Variants in CLIC5 observed in about 807,000 individuals in gnomAD.
CLIC5 encodes chloride intracellular channel protein 5.
A neutral mutation model predicts 24.7 loss-of-function variants in CLIC5; 20 were observed. The ratio of observed to expected loss-of-function variants is 0.81; its 90% CI spans 0.57 to 1.18. CLIC5 has a LOEUF of 1.18. Ranked by LOEUF, CLIC5 falls within the 50% of genes most tolerant of loss-of-function variation. The probability of loss-of-function intolerance (pLI) is 0.00; values close to 1 mark genes in which losing one functional copy is unlikely to be tolerated. For missense variants in CLIC5, 341 were observed against 326.1 expected, an observed-to-expected ratio of 1.05 and a Z score of -0.35; for synonymous variants, 159 against 135.6, an observed-to-expected ratio of 1.17 and a Z score of -1.20.
Position 45,903,840 on chromosome 6 carries a change from C to G in CLIC5, c.589-585G>C, listed in dbSNP as rs189890181. On this transcript the variant is annotated intron_variant, in intron 5 of 5. Coordinates refer to ENST00000339561, the MANE Select transcript of CLIC5 (RefSeq NM_016929.5). The stretch of plus-strand genomic sequence containing the variant: ...ACCAACAATTTTTCTTTTCTTCTTT[C>G]TCTTATTCACTTTGTTTTACACAGG... 2.8e-4 allele frequency among the ~76,000 whole-genome samples: 42 copies of G among 152,052 alleles called. 1 individual carries two copies. The East Asian group carries it at 6.0e-3, about 22-fold the overall frequency.
intron 1 of CLIC5, among the ~76,000 whole-genome samples, chr6:45,976,512 T>G (rs1561978097): frequency 6.6e-6 from 1 of 152,194 alleles, no homozygotes; most frequent in South Asian, 2.1e-4. Flanking sequence ...TTTGAAGGCA[T>G]GGTTAGACAT....
At chr6:45,940,810 C>T (rs1764103301) in intron 4 of CLIC5, among the ~76,000 whole-genome samples, 1 of 152,230 alleles carries the variant, frequency 6.6e-6, no homozygotes, top group African/African-American at 2.4e-5. Context: ...CACCGTTCTT[C>T]AAGTGTTATA....
Position 45,901,894 on chromosome 6 carries a change from T to G in CLIC5, c.*1194A>C, listed in dbSNP as rs1302376907. The G allele has an allele frequency of 6.6e-6, 1 of 152,500 alleles. No homozygotes were observed. The highest frequency in any genetic ancestry group is 2.4e-5 in the African/African-American group (1 of 41,390). 9.4% of individuals were successfully genotyped at this position (152,500 alleles called of 1,614,324 possible). ...AGTCTCATGGACTTTCTTCCTAAGG[T>G]GTTCTATGATCAGACCACCTCCTAA... On this transcript the variant is annotated 3_prime_UTR_variant, in exon 6 of 6. Transcript: ENST00000339561.
At chr6:46,019,692 C>CAAAAAAA (rs60367562), upstream of CLIC5, among the ~76,000 whole-genome samples, 1 of 62,874 alleles carries the variant, frequency 1.6e-5, no homozygotes, top group African/African-American at 6.0e-5. Flanking sequence ...GACTCCGTCT[C>CAAAAAAA]AAAAAAAAAA....
At chr6:45,904,086 G>T (rs1762584260) in intron 5 of CLIC5, among the ~76,000 whole-genome samples, 1 of 152,174 alleles carries the variant, frequency 6.6e-6, no homozygotes, top group Non-Finnish European at 1.5e-5. Flanking sequence ...TTAAAAGCAT[G>T]GGCTCTGGAT....
At chr6:46,113,043 G>A in the CLIC5 span, among the ~76,000 whole-genome samples, 5 of 152,122 alleles carry the variant, frequency 3.3e-5, no homozygotes, top group Non-Finnish European at 2.9e-5. Flanking sequence ...GTGACAGAGC[G>A]AGAATCTGTC....
At chr6:46,104,610 G>A in the CLIC5 span, among the ~76,000 whole-genome samples, 1 of 150,712 alleles carries the variant, frequency 6.6e-6, no homozygotes, top group Non-Finnish European at 1.5e-5. Flanking sequence ...TTCCAAGCCT[G>A]GCAAATTATA....
chr6:46,000,688 G>C (rs951339073), intron 1 of CLIC5, among the ~76,000 whole-genome samples: 1 of 152,152 alleles, frequency 6.6e-6, no homozygotes, highest in African/African-American at 2.4e-5. Context: ...GAGAATGACT[G>C]CCAGCAGGGG....
upstream of CLIC5, chr6:46,015,918 G>A (rs1766988391): frequency 3.0e-6 from 3 of 1,004,622 alleles, no homozygotes; most frequent in Non-Finnish European, 3.6e-6. Context: ...GGGGTCAGCC[G>A]GGCGGGGACG....
upstream of CLIC5, among the ~76,000 whole-genome samples, chr6:46,084,728 T>C (rs1193251593): frequency 6.6e-6 from 1 of 152,218 alleles, no homozygotes; most frequent in Non-Finnish European, 1.5e-5. Context: ...ATTTCAACTT[T>C]GGTGAATCTG....
the CLIC5 span, among the ~76,000 whole-genome samples, chr6:46,104,123 C>T: frequency 1.3e-5 from 2 of 152,094 alleles, no homozygotes; most frequent in Non-Finnish European, 2.9e-5. Context: ...CCAAGTACAA[C>T]TCTGGTGTAC....
rs577861872 is a variant in CLIC5, at chr6:45,950,565, G to T, written c.174-1184C>A. Among the ~76,000 whole-genome samples, 12 of 152,120 alleles carry T rather than the reference G, an allele frequency of 7.9e-5. No individual in the cohort carries two copies. The South Asian group carries it at 2.5e-3, about 32-fold the overall frequency. On this transcript the variant is annotated intron_variant, in intron 2 of 5. Transcript: ENST00000339561. ...CAGTCTGGGGGACAGAGTGAGACTCGGTCTCAAAACAACAACAGCAATAAA... is the reference window on the plus strand; with the variant it reads ...CAGTCTGGGGGACAGAGTGAGACTCTGTCTCAAAACAACAACAGCAATAAA...
At chr6:46,014,051 G>T (rs990089832) in intron 1 of CLIC5, among the ~76,000 whole-genome samples, 1 of 152,100 alleles carries the variant, frequency 6.6e-6, no homozygotes, top group Admixed American at 6.5e-5. Flanking sequence ...GGGGTGGGGG[G>T]AGTCCCAGAA....
chr6:46,093,359 T>C, the CLIC5 span, among the ~76,000 whole-genome samples: 2 of 152,186 alleles, frequency 1.3e-5, no homozygotes, highest in Non-Finnish European at 2.9e-5. Flanking sequence ...AGGGTTCTTG[T>C]TGAAATGCAG....
chr6:45,987,536 C>G (rs1765784371), intron 1 of CLIC5, among the ~76,000 whole-genome samples: 1 of 152,186 alleles, frequency 6.6e-6, no homozygotes, highest in Non-Finnish European at 1.5e-5. Context: ...AAAGTCTTAG[C>G]CTGTTCAGCC....
chr6:45,974,922 G>A (rs1765336547), intron 1 of CLIC5, among the ~76,000 whole-genome samples: 1 of 152,110 alleles, frequency 6.6e-6, no homozygotes, highest in African/African-American at 2.4e-5. Context: ...GTTCAAGGAA[G>A]TTTTGCCTCA....
chr6:46,039,166 T>G (rs1767739881), intron 1 of CLIC5, among the ~76,000 whole-genome samples: 2 of 152,294 alleles, frequency 1.3e-5, no homozygotes, highest in South Asian at 2.1e-4. Context: ...CCATAGTATA[T>G]TCTATAAAAT....
intron 6 of CLIC5, among the ~76,000 whole-genome samples, chr6:45,883,026 G>C (rs1318461542): frequency 6.6e-6 from 1 of 152,218 alleles, no homozygotes; most frequent in Non-Finnish European, 1.5e-5. Context: ...GATCAAGATG[G>C]AGCCACAGAG....
In CLIC5 at chr6:45,901,115, C is replaced by G. The variant is rs183832278; in HGVS notation, c.*1973G>C. 1 of 152,084 alleles carries G rather than the reference C, an allele frequency of 6.6e-6. No individual in the cohort carries two copies. Among genetic ancestry groups the G allele is most frequent in the Admixed American group, 6.5e-5 (1 of 15,282 alleles). The allele number at this position is 152,084 out of a possible 1,614,324, so 9.4% of individuals were successfully genotyped here. ...CAGGATTTCACACTAATTAAAAGGC[C>G]TTCGGGATCATTTCAGCCCTCATCC... On this transcript the variant is annotated 3_prime_UTR_variant, in exon 6 of 6. Coordinates refer to ENST00000339561, the MANE Select transcript of CLIC5 (RefSeq NM_016929.5).
Sources: gnomAD v4.1 joint callset for allele counts (sites outside exome capture counted in the v4.1 genomes callset) on GRCh38, gnomAD v4.1.1 for gene constraint, MANE v1.5 for transcripts, NCBI Gene and HGNC (gene_info 2026-07-23, HGNC 2026-07-21) for gene names.